Variants in GRIK2 observed in about 807,000 individuals in gnomAD.
The protein encoded by GRIK2 is glutamate ionotropic receptor kainate type subunit 2, also known as glutamate receptor ionotropic, kainate 2.
Under a neutral mutation model 100.3 loss-of-function variants are expected in GRIK2, and 32 were observed. The ratio of observed to expected loss-of-function variants is 0.32; its 90% confidence interval spans 0.24 to 0.43. GRIK2 has a LOEUF of 0.43. GRIK2 is among the 20% of genes least tolerant of loss of function. The pLI is 1.00. For missense variants in GRIK2, 843 were observed against 1,114.9 expected, an observed-to-expected ratio of 0.76 and a Z score of 3.47; for synonymous variants, 417 against 389.4, an observed-to-expected ratio of 1.07 and a Z score of -0.83.
chr6:102,021,813 C>T (rs73500539), intron 14 of GRIK2, among the ~76,000 whole-genome samples: 16,295 of 151,062 alleles, frequency 0.11, 2,431 homozygotes, highest in African/African-American at 0.34. Flanking sequence ...TTAAAGTGTC[C>T]TTGAAACTTC....
chr6:101,996,375 A>T (rs2128493654), intron 14 of GRIK2, among the ~76,000 whole-genome samples: 1 of 152,172 alleles, frequency 6.6e-6, no homozygotes, highest in South Asian at 2.1e-4. Context: ...TAATGTTTTT[A>T]ACTACTTTAA....
At chr6:101,898,495 T>TTAAA (rs1787625210) in intron 12 of GRIK2, among the ~76,000 whole-genome samples, 1 of 151,916 alleles carries the variant, frequency 6.6e-6, no homozygotes, top group South Asian at 2.1e-4. Flanking sequence ...AATCCTTAGT[T>TTAAA]AGCTGTACTT....
chr6:101,635,627 A>G (rs989725196), intron 4 of GRIK2, among the ~76,000 whole-genome samples: 5 of 152,202 alleles, frequency 3.3e-5, no homozygotes, highest in Admixed American at 3.3e-4. Context: ...GCTAATATCC[A>G]GAATCTACAA....
intron 2 of GRIK2, chr6:101,431,468 C>T (rs1388864159): frequency 6.6e-6 from 1 of 152,150 alleles, no homozygotes; most frequent in African/African-American, 2.4e-5. Context: ...GGGCGTCATC[C>T]CCAGCAAAGC....
intron 2 of GRIK2, among the ~76,000 whole-genome samples, chr6:101,403,736 G>C (rs1406709374): frequency 6.6e-6 from 1 of 152,154 alleles, no homozygotes; most frequent in Non-Finnish European, 1.5e-5. Context: ...GCGGGAGGGA[G>C]GAGTGGCCTT....
chr6:101,650,017 A>G (rs1781712293), intron 4 of GRIK2, among the ~76,000 whole-genome samples: 1 of 152,102 alleles, frequency 6.6e-6, no homozygotes, highest in Non-Finnish European at 1.5e-5. Flanking sequence ...GTGCTCCTAG[A>G]CAAGCTCTTT....
At chr6:101,478,759 C>T (rs1772385644) in intron 2 of GRIK2, among the ~76,000 whole-genome samples, 3 of 151,974 alleles carry the variant, frequency 2.0e-5, no homozygotes, top group South Asian at 4.2e-4. Flanking sequence ...CTCCTGACCT[C>T]GTGATCCGCT....
chr6:101,857,047 T>TAG (rs961601829), intron 10 of GRIK2, among the ~76,000 whole-genome samples: 2 of 151,806 alleles, frequency 1.3e-5, no homozygotes, highest in Non-Finnish European at 1.5e-5. Context: ...ACAGCAATTG[T>TAG]AGAGAGAGAG....
At chr6:102,064,503 T>A (rs1771920776) in intron 16 of GRIK2, among the ~76,000 whole-genome samples, 1 of 150,746 alleles carries the variant, frequency 6.6e-6, no homozygotes, top group South Asian at 2.1e-4. Flanking sequence ...TCTTTCTTCT[T>A]TTTTTAGTAT....
At chr6:101,565,063 A>G (rs1777188408) in intron 2 of GRIK2, among the ~76,000 whole-genome samples, 1 of 152,112 alleles carries the variant, frequency 6.6e-6, no homozygotes, top group Non-Finnish European at 1.5e-5. Flanking sequence ...TATTTAACAT[A>G]ATGTACAGGG....
chr6:101,573,309 T>C (rs568059809), intron 2 of GRIK2, among the ~76,000 whole-genome samples: 1 of 152,274 alleles, frequency 6.6e-6, no homozygotes, highest in African/African-American at 2.4e-5. Flanking sequence ...TCAGACATGC[T>C]TGGGGTTGGT....
At chr6:101,610,390 G>A (rs903978230) in intron 2 of GRIK2, among the ~76,000 whole-genome samples, 2 of 151,702 alleles carry the variant, frequency 1.3e-5, no homozygotes, top group Non-Finnish European at 2.9e-5. Context: ...ACTCTAGAAT[G>A]TTTAATACTT....
At chr6:101,486,078 G>A (rs1038179401) in intron 2 of GRIK2, among the ~76,000 whole-genome samples, 3 of 152,088 alleles carry the variant, frequency 2.0e-5, no homozygotes, top group African/African-American at 7.2e-5. Context: ...GAGTATTGGT[G>A]AGCCTTAGTC....
intron 7 of GRIK2, among the ~76,000 whole-genome samples, chr6:101,686,750 T>C (rs2128344242): frequency 6.6e-6 from 1 of 152,256 alleles, no homozygotes; most frequent in South Asian, 2.1e-4. Flanking sequence ...GTTATATAAA[T>C]GACTTATGTC....
chr6:101,744,006 G>A (rs1252881566), intron 7 of GRIK2, among the ~76,000 whole-genome samples: 1 of 151,898 alleles, frequency 6.6e-6, no homozygotes, highest in Non-Finnish European at 1.5e-5. Flanking sequence ...GCAGTGGCAT[G>A]ATCTCGGCTC....
intron 14 of GRIK2, among the ~76,000 whole-genome samples, chr6:101,975,801 A>ATCTG (rs71547439): frequency 0.012 from 1,221 of 101,034 alleles, 9 homozygotes; most frequent in Non-Finnish European, 0.016. Flanking sequence ...CTGTCTATCT[A>ATCTG]TCTATCTGTC....
chr6:101,395,866 C>G (rs1291951321), intron 1 of GRIK2, among the ~76,000 whole-genome samples: 2 of 151,982 alleles, frequency 1.3e-5, no homozygotes, highest in Non-Finnish European at 2.9e-5. Flanking sequence ...CTGCTTTGAC[C>G]TTGGAATCTA....
chr6:101,788,404 C>T (rs983107762), intron 7 of GRIK2, among the ~76,000 whole-genome samples: 12 of 151,962 alleles, frequency 7.9e-5, no homozygotes, highest in Non-Finnish European at 1.5e-4. Context: ...GTTCCCCTTC[C>T]TCTGTCCATG....
chr6:101,789,185 T>C (rs1583152568), intron 7 of GRIK2, among the ~76,000 whole-genome samples: 1 of 152,232 alleles, frequency 6.6e-6, no homozygotes, highest in East Asian at 1.9e-4. Context: ...TAGTTTCTTT[T>C]GCTGTGCAGA....
Sources: gnomAD v4.1 joint callset for allele counts (sites outside exome capture counted in the v4.1 genomes callset) on GRCh38, gnomAD v4.1.1 for gene constraint, MANE v1.5 for transcripts, NCBI Gene and HGNC (gene_info 2026-07-23, HGNC 2026-07-21) for gene names.